Variants in EFCAB6 observed in about 807,000 individuals in gnomAD.
EFCAB6 encodes EF-hand calcium binding domain 6, also known as EF-hand calcium-binding domain-containing protein 6.
EFCAB6 carries 156 observed loss-of-function variants against 169.8 expected under a neutral mutation model. The ratio of observed to expected loss-of-function variants is 0.92; its 90% CI spans 0.81 to 1.05. The LOEUF (loss-of-function observed/expected upper bound fraction) is 1.05. Ranked by LOEUF, EFCAB6 falls within the 50% of genes least tolerant of loss-of-function variation. The probability of loss-of-function intolerance (pLI) is 0.00; values close to 1 mark genes in which losing one functional copy is unlikely to be tolerated. For synonymous variants in EFCAB6, 698 were observed against 676.4 expected (o/e 1.03, Z -0.50); for missense variants, 1,800 against 1,829.1 (o/e 0.98, Z 0.29).
intron 2 of EFCAB6, among the ~76,000 whole-genome samples, chr22:43,785,874 T>C (rs2062058044): frequency 6.6e-6 from 1 of 152,144 alleles, no homozygotes; most frequent in Non-Finnish European, 1.5e-5. Context: ...AACTGTATGC[T>C]AACAAATTAG....
At chr22:43,600,663 T>G (rs1006495206) in intron 22 of EFCAB6, among the ~76,000 whole-genome samples, 13 of 152,210 alleles carry the variant, frequency 8.5e-5, no homozygotes, top group African/African-American at 3.1e-4. Flanking sequence ...TTTTTTGTTT[T>G]TTGTTTTGTT....
chr22:43,764,939 A>C (rs2061281586), intron 5 of EFCAB6, among the ~76,000 whole-genome samples: 1 of 152,034 alleles, frequency 6.6e-6, no homozygotes, highest in African/African-American at 2.4e-5. Context: ...TAACAACATT[A>C]AAAATGTATA....
chr22:43,675,533 A>G (rs1042433069), intron 13 of EFCAB6, among the ~76,000 whole-genome samples: 1 of 143,498 alleles, frequency 7.0e-6, no homozygotes, highest in African/African-American at 2.5e-5. Flanking sequence ...TAAGTAAGCA[A>G]TAAATCAGTG....
At chr22:43,669,976 A>G (rs557103537) in intron 15 of EFCAB6, among the ~76,000 whole-genome samples, 20 of 152,294 alleles carry the variant, frequency 1.3e-4, no homozygotes, top group African/African-American at 4.1e-4. Flanking sequence ...AATAAAATGT[A>G]TTCTTGTGTA....
At chr22:43,811,748 G>A (rs1426278735) in intron 1 of EFCAB6, among the ~76,000 whole-genome samples, 1 of 152,246 alleles carries the variant, frequency 6.6e-6, no homozygotes, top group South Asian at 2.1e-4. Context: ...GTCTACAGGA[G>A]GGAGTCAATC....
At chr22:43,539,619 G>T (rs117214515) in intron 28 of EFCAB6, among the ~76,000 whole-genome samples, 1 of 152,310 alleles carries the variant, frequency 6.6e-6, no homozygotes, top group East Asian at 1.9e-4. Context: ...CAGGCCTGGG[G>T]TGGCTCAGCC....
chr22:43,691,475 T>A (rs1235999086), intron 10 of EFCAB6, among the ~76,000 whole-genome samples: 1 of 152,006 alleles, frequency 6.6e-6, no homozygotes, highest in East Asian at 1.9e-4. Flanking sequence ...AGAAGTTAAA[T>A]GTAAAAACTA....
intron 10 of EFCAB6, among the ~76,000 whole-genome samples, chr22:43,700,296 T>C (rs2058722291): frequency 6.6e-6 from 1 of 151,264 alleles, no homozygotes. Context: ...TTTAGAAATA[T>C]CAAGCTCAAA....
chr22:43,572,011 G>C lies in EFCAB6; in HGVS notation c.3420+4286C>G, dbSNP rs991959309. On this transcript the variant is annotated intron_variant, in intron 26 of 31. Coordinates refer to ENST00000262726, the MANE Select transcript of EFCAB6 (RefSeq NM_022785.4). This position sits in a 1 kb window ranked among gnomAD's most constrained non-coding sequence, Gnocchi z 4.0. ...GCCAATTTAGGGGGTTGATCCCATT[G>C]AATTCCCAGAAAACAGATCGCACAC... Among the ~76,000 whole-genome samples, 1 of 152,184 alleles carries C rather than the reference G, an allele frequency of 6.6e-6. No individual in the cohort carries two copies. The highest frequency in any genetic ancestry group is 1.5e-5 in the Non-Finnish European group (1 of 68,038).
chr22:43,626,780 G>T, intron 19 of EFCAB6, 101 bp from the exon 20 acceptor site: 1 of 1,093,206 alleles, frequency 9.1e-7, no homozygotes, highest in Non-Finnish European at 1.4e-6. Context: ...GCGAGGAGGG[G>T]CAGCTTGGCT....
Position 43,690,748 on chromosome 22 carries a change from C to T in EFCAB6, c.1032-3167G>A, listed in dbSNP as rs370469023. Among the ~76,000 whole-genome samples the T allele has an allele frequency of 2.0e-4, 30 of 151,706 alleles. No individual in the cohort carries two copies. The East Asian group carries it at 4.3e-3, about 22-fold the overall frequency. On this transcript the variant is annotated intron_variant, in intron 10 of 31. Transcript: ENST00000262726. The stretch of plus-strand genomic sequence containing the variant: ...TCCAAAGAGCTGTACTCTTCCCTGC[C>T]CTCGGTCCCTTCTGCTTGTTGCTTC...
At position 43,806,639 on chromosome 22, in the gene EFCAB6, C is replaced by A. The variant is rs548876962; in HGVS notation, c.-8+2356G>T. Among the ~76,000 whole-genome samples the A allele has an allele frequency of 2.0e-5, 3 of 152,304 alleles. No individual in the cohort carries two copies. In the East Asian group the frequency reaches 5.8e-4, roughly 29 times the overall value. On this transcript the variant is annotated intron_variant, in intron 2 of 31. Coordinates refer to ENST00000262726, the MANE Select transcript of EFCAB6 (RefSeq NM_022785.4). Reference sequence around the variant, plus strand: ...CCTTCCAGACGCCATTACCTCCAGGCATGCTACGTTCTTACCCAGTGCTCC... The same window carrying A: ...CCTTCCAGACGCCATTACCTCCAGGAATGCTACGTTCTTACCCAGTGCTCC...
At chr22:43,619,266 T>C in intron 20 of EFCAB6, among the ~76,000 whole-genome samples, 1 of 152,138 alleles carries the variant, frequency 6.6e-6, no homozygotes, top group East Asian at 1.9e-4. Flanking sequence ...AAAATTGACA[T>C]TAAAACCACA....
intron 10 of EFCAB6, among the ~76,000 whole-genome samples, chr22:43,707,817 C>G (rs918581005): frequency 6.6e-5 from 10 of 152,060 alleles, no homozygotes; most frequent in Admixed American, 3.3e-4. Flanking sequence ...AGCAAACAAA[C>G]TGGTAATCAT....
chr22:43,753,481 G>A (rs564242816), intron 6 of EFCAB6, among the ~76,000 whole-genome samples: 22 of 152,252 alleles, frequency 1.4e-4, no homozygotes, highest in East Asian at 7.7e-4. Flanking sequence ...AACAGAGAGC[G>A]CCTCTTCCCA....
At chr22:43,695,403 A>G (rs2058540743) in intron 10 of EFCAB6, among the ~76,000 whole-genome samples, 2 of 152,072 alleles carry the variant, frequency 1.3e-5, no homozygotes, top group Admixed American at 6.6e-5. Context: ...CAATATTGTT[A>G]AAGTGGCAAA....
chr22:43,626,470 A>G lies in EFCAB6; in HGVS notation c.2442T>C (p.Asp814=), dbSNP rs2054532089. 1.2e-6 allele frequency: 2 copies of G among 1,614,188 alleles called. No homozygotes were observed. Among genetic ancestry groups the G allele is most frequent in the Middle Eastern group, 1.6e-4 (1 of 6,062 alleles). ...ACCTAATGAGTCTTTGAGGCGCTTC[A>G]TCTGTTCTCCATGGTCTCTTCTCAC... ...NLCEKRPWRT[D]EAPQRLIRPK... The change falls in exon 20 of 32, where the codon GAT becomes GAC. Residue 814 remains aspartate (D), a synonymous_variant. Coordinates refer to ENST00000262726, the MANE Select transcript of EFCAB6 (RefSeq NM_022785.4).
chr22:43,569,468 G>C (rs919363157), intron 26 of EFCAB6, among the ~76,000 whole-genome samples: 2 of 152,234 alleles, frequency 1.3e-5, no homozygotes, highest in African/African-American at 4.8e-5. Flanking sequence ...ATGCCAAGGT[G>C]CCTGGGCTTC....
At chr22:43,773,376 G>A (rs998120111) in intron 3 of EFCAB6, among the ~76,000 whole-genome samples, 2 of 152,196 alleles carry the variant, frequency 1.3e-5, no homozygotes, top group African/African-American at 4.8e-5. Flanking sequence ...GTCAGTACAA[G>A]TGAAAAACAT....
Sources: gnomAD v4.1 joint callset for allele counts (sites outside exome capture counted in the v4.1 genomes callset) on GRCh38, gnomAD v4.1.1 for gene constraint, Gnocchi (gnomAD v3.1) non-coding constraint, MANE v1.5 for transcripts, NCBI Gene and HGNC (gene_info 2026-07-23, HGNC 2026-07-21) for gene names.